The following TMEM132B variants were observed in gnomAD, a reference collection of about 807,000 sequenced individuals.
TMEM132B encodes the protein transmembrane protein 132B.
In TMEM132B, 18 loss-of-function variants were observed where a neutral mutation model predicts 90.8. The ratio of observed to expected loss-of-function variants is 0.20; its 90% CI spans 0.14 to 0.29. The LOEUF is 0.29. TMEM132B is among the 10% of genes least tolerant of loss of function. TMEM132B has a pLI of 1.00. For synonymous variants in TMEM132B, 504 were observed against 523.3 expected, an observed-to-expected ratio of 0.96 and a Z score of 0.50; for missense variants, 1,096 against 1,326.8, an observed-to-expected ratio of 0.83 and a Z score of 2.70.
chr12:125,442,181 TG>T (rs1340753435), intron 3 of TMEM132B, among the ~76,000 whole-genome samples: 72 of 152,334 alleles, frequency 4.7e-4, no homozygotes, highest in African/African-American at 1.7e-3. Context: ...GTTTAGAAGG[TG>T]TTCAGGAGAG....
At chr12:125,629,819 A>T (rs112789704) in intron 5 of TMEM132B, among the ~76,000 whole-genome samples, 1 of 151,870 alleles carries the variant, frequency 6.6e-6, no homozygotes, top group Non-Finnish European at 1.5e-5. Context: ...TTCCTTGTAT[A>T]CTCAGTTTTT....
In TMEM132B at chr12:125,277,669, G is replaced by A. The variant is rs1027777927; in HGVS notation, c.68-71783G>A. Among the ~76,000 whole-genome samples, 2 of 152,084 alleles carry A rather than the reference G, an allele frequency of 1.3e-5. No homozygotes were observed. On this transcript the variant is annotated intron_variant, in intron 1 of 8. Coordinates refer to ENST00000682704, the MANE Select transcript of TMEM132B (RefSeq NM_001366854.1). This position sits in a 1 kb window ranked among gnomAD's most constrained non-coding sequence, Gnocchi z 4.3. ...AGAACCTCTCCAGAGCCTTTGGAGG[G>A]AGCAGGGTCCTACCCACACCTTGGT...
intron 1 of TMEM132B, among the ~76,000 whole-genome samples, chr12:125,274,229 C>G (rs1437414408): frequency 6.6e-6 from 1 of 152,142 alleles, no homozygotes; most frequent in Non-Finnish European, 1.5e-5. Context: ...TGATTCACCC[C>G]CTTCTACAGC....
At chr12:125,455,776 A>G (rs1310607788) in intron 3 of TMEM132B, among the ~76,000 whole-genome samples, 3 of 151,664 alleles carry the variant, frequency 2.0e-5, no homozygotes, top group East Asian at 1.9e-4. Context: ...GAGCCATGTG[A>G]TGATTTCTGG....
chr12:125,590,861 G>A (rs1186799157), intron 5 of TMEM132B, among the ~76,000 whole-genome samples: 1 of 152,160 alleles, frequency 6.6e-6, no homozygotes, highest in Admixed American at 6.5e-5. Flanking sequence ...ATGAGGAAGT[G>A]GCATCTAGAA....
At chr12:125,636,201 C>T (rs1287412384) in intron 5 of TMEM132B, among the ~76,000 whole-genome samples, 4 of 152,074 alleles carry the variant, frequency 2.6e-5, no homozygotes, top group East Asian at 1.9e-4. Context: ...TGGGGACGGT[C>T]GATGGAGCCT....
chr12:125,643,798 C>G (rs1169620986), intron 5 of TMEM132B, among the ~76,000 whole-genome samples: 3 of 152,138 alleles, frequency 2.0e-5, no homozygotes, highest in Admixed American at 6.5e-5. Context: ...AACACACATA[C>G]ACACAAAAGG....
At chr12:125,454,392 TTGTGTG>T (rs749400783) in intron 3 of TMEM132B, among the ~76,000 whole-genome samples, 122 of 112,078 alleles carry the variant, frequency 1.1e-3, no homozygotes, top group Admixed American at 5.1e-3. Context: ...GTGTGTGTGT[TTGTGTG>T]TGTGTGTGTG....
At chr12:125,262,328 A>ATATGTTTTGTTTTG (rs1294425869) in intron 1 of TMEM132B, among the ~76,000 whole-genome samples, 2 of 151,824 alleles carry the variant, frequency 1.3e-5, no homozygotes. Context: ...CAGTCCAAAG[A>ATATGTTTTGTTTTG]CTGAATCTGA....
At chr12:125,260,714 A>G (rs1177871962) in intron 1 of TMEM132B, among the ~76,000 whole-genome samples, 1 of 152,146 alleles carries the variant, frequency 6.6e-6, no homozygotes, top group African/African-American at 2.4e-5. Context: ...TATAAGTATT[A>G]CTGGTTTGTT....
At position 125,213,459 on chromosome 12, in the gene TMEM132B, T is replaced by C. The variant is rs754097881; in HGVS notation, c.67+26593T>C. Among the ~76,000 whole-genome samples the C allele has an allele frequency of 1.6e-4, 25 of 152,240 alleles. No individual in the cohort carries two copies. The highest frequency in any genetic ancestry group is 1.2e-4 in the Non-Finnish European group (8 of 68,040). On this transcript the variant is annotated intron_variant, in intron 1 of 8. Coordinates refer to ENST00000682704, the MANE Select transcript of TMEM132B (RefSeq NM_001366854.1). This position sits in a 1 kb window ranked among gnomAD's most constrained non-coding sequence, Gnocchi z 4.2. ...ACCTGGGTAATTTTTAAAAGCTCCA[T>C]ATATGGTTCTAATGGGAAGCCAACT...
chr12:125,365,821 T>C (rs76148991), intron 2 of TMEM132B, among the ~76,000 whole-genome samples: 7,441 of 152,226 alleles, frequency 0.049, 568 homozygotes, highest in African/African-American at 0.16. Flanking sequence ...CAAATCAGGG[T>C]AATTGGCATA....
intron 2 of TMEM132B, among the ~76,000 whole-genome samples, chr12:125,398,718 A>G (rs1356767673): frequency 2.0e-5 from 3 of 152,206 alleles, no homozygotes; most frequent in African/African-American, 7.2e-5. Flanking sequence ...AAGTTTTAAG[A>G]CATGGTCTAA....
chr12:125,212,470 A>G (rs1593043149), intron 1 of TMEM132B, among the ~76,000 whole-genome samples: 1 of 151,894 alleles, frequency 6.6e-6, no homozygotes, highest in African/African-American at 2.4e-5. Flanking sequence ...AGGCGGGTGG[A>G]TCATCTGAGG....
intron 1 of TMEM132B, among the ~76,000 whole-genome samples, chr12:125,293,322 C>T (rs1875589388): frequency 6.6e-6 from 1 of 152,144 alleles, no homozygotes. Flanking sequence ...CATTTAGATT[C>T]AGGGGGTACT....
intron 1 of TMEM132B, among the ~76,000 whole-genome samples, chr12:125,334,204 T>C (rs1171325941): frequency 5.3e-5 from 8 of 152,330 alleles, no homozygotes; most frequent in South Asian, 2.1e-4. Flanking sequence ...AATGCAAATA[T>C]AAGAGCAATT....
chr12:125,362,548 A>G (rs1193894533), intron 2 of TMEM132B, among the ~76,000 whole-genome samples: 1 of 152,192 alleles, frequency 6.6e-6, no homozygotes, highest in Non-Finnish European at 1.5e-5. Context: ...ACTATTGGAT[A>G]GTAGATTTCT....
At chr12:125,626,051 G>T (rs117050522) in intron 5 of TMEM132B, among the ~76,000 whole-genome samples, 6 of 152,256 alleles carry the variant, frequency 3.9e-5, no homozygotes, top group Non-Finnish European at 2.9e-5. Context: ...AACACACAAT[G>T]CATTGTTACT....
Position 125,551,100 on chromosome 12 carries a change from A to G in TMEM132B, c.1293+31475A>G, listed in dbSNP as rs139450989. Among the ~76,000 whole-genome samples the G allele has an allele frequency of 2.7e-3, 411 of 152,388 alleles. 3 individuals are homozygous for G. The highest frequency in any genetic ancestry group is 6.8e-3 in the Middle Eastern group (2 of 294). ...AGTGTTGGGACTACAGGCGTGAGCC[A>G]CTGTGTCTGGCCCTGGAGCTGGTTT... On this transcript the variant is annotated intron_variant, in intron 4 of 8. Coordinates refer to ENST00000682704, the MANE Select transcript of TMEM132B (RefSeq NM_001366854.1).
Sources: allele counts gnomAD v4.1 joint callset (sites outside exome capture counted in the v4.1 genomes callset), GRCh38; gene constraint gnomAD v4.1.1; non-coding constraint Gnocchi (gnomAD v3.1); transcripts MANE v1.5; gene names NCBI Gene and HGNC (gene_info 2026-07-23, HGNC 2026-07-21).